Variants in ITGA4 observed in about 807,000 individuals in gnomAD.
ITGA4 encodes the protein integrin subunit alpha 4.
In ITGA4, 63 loss-of-function variants were observed where a neutral mutation model predicts 133.6. The observed-to-expected ratio is 0.47, with a 90% confidence interval of 0.38 to 0.58. The LOEUF is 0.58. ITGA4 is among the 20% of genes least tolerant of loss of function. The probability of loss-of-function intolerance (pLI) is 0.00; values close to 1 mark genes in which losing one functional copy is unlikely to be tolerated. For missense variants in ITGA4, 1,076 were observed against 1,252.7 expected (o/e 0.86, Z 2.13); for synonymous variants, 483 against 438.0 (o/e 1.10, Z -1.28).
rs1247825211 is a variant in ITGA4, at chr2:181,535,632, T to C, written c.*105T>C. On this transcript the variant is annotated 3_prime_UTR_variant, in exon 28 of 28. Coordinates refer to ENST00000397033, the MANE Select transcript of ITGA4 (RefSeq NM_000885.6). ...AAATGAATTTTGTTTGGACTTCTTT[T>C]ACTCATGATCTTGTGACATATTATG... The C allele has an allele frequency of 1.4e-6, 2 of 1,407,678 alleles. No homozygotes were observed. Among genetic ancestry groups the C allele is most frequent in the East Asian group, 2.4e-5 (1 of 42,420 alleles). The allele number at this position is 1,407,678 out of a possible 1,614,324, so 87.2% of individuals were successfully genotyped here. A position where few individuals can be genotyped will look rare whatever the true frequency, so the allele number is the denominator to read the frequency against.
Position 181,527,292 on chromosome 2 carries a change from A to G in ITGA4, c.2340-5A>G. 6.3e-7 allele frequency: 1 copy of G among 1,575,368 alleles called. No individual in the cohort carries two copies. The highest frequency in any genetic ancestry group is 8.7e-7 in the Non-Finnish European group (1 of 1,145,300). On this transcript the variant is annotated splice_region_variant and splice_polypyrimidine_tract_variant and intron_variant, in intron 21 of 27. Transcript: ENST00000397033. Reference sequence around the variant, plus strand: ...GTTAATTAAATTTGAATTTGTTTTTACCAGGTTTGTAAACCCAACTTCATT... The same window carrying G: ...GTTAATTAAATTTGAATTTGTTTTTGCCAGGTTTGTAAACCCAACTTCATT...
At chr2:181,501,510 G>A (rs560717975) in intron 15 of ITGA4, among the ~76,000 whole-genome samples, 1 of 152,302 alleles carries the variant, frequency 6.6e-6, no homozygotes, top group African/African-American at 2.4e-5. Context: ...GTTGTGAATA[G>A]AGTAGGAGAT....
Position 181,530,618 on chromosome 2 carries a change from G to A in ITGA4, c.2633G>A (p.Arg878Gln), listed in dbSNP as rs1143676. Residue 878 changes from arginine to glutamine, a missense_variant, in exon 24 of 28, where the codon CGG (arginine) becomes CAG (glutamine). By Grantham distance (43) the Arg-to-Gln change is conservative. Transcript: ENST00000397033. The part of the protein sequence containing the change: ...SAMQTLKGIV[R>Q]FLSKTDKRLL... ...ATGCAGACCTTGAAAGGCATAGTCCGGTTCTTGTCCAAGACTGATAAGAGG... is the reference window on the plus strand; with the variant it reads ...ATGCAGACCTTGAAAGGCATAGTCCAGTTCTTGTCCAAGACTGATAAGAGG... 1,126,417 of 1,611,264 alleles carry A rather than the reference G, an allele frequency of 0.7. 397,059 individuals carry two copies. The highest frequency in any genetic ancestry group is 0.89 in the South Asian group (80,538 of 90,990).
At chr2:181,480,050 T>A (rs1283120329) in intron 5 of ITGA4, 87 bp from the exon 6 acceptor site, 2 of 825,668 alleles carry the variant, frequency 2.4e-6, no homozygotes, top group Admixed American at 3.2e-5. Context: ...ATTATAAAAA[T>A]ATGTTCTCTT....
chr2:181,477,594 T>C (rs1472679465), intron 4 of ITGA4, among the ~76,000 whole-genome samples: 3 of 152,078 alleles, frequency 2.0e-5, no homozygotes, highest in Admixed American at 2.0e-4. Context: ...GATGAAAAGG[T>C]GCTTAACATC....
In ITGA4 at chr2:181,457,428, C is replaced by T. The variant is rs1453043378; in HGVS notation, c.-227C>T. On this transcript the variant is annotated 5_prime_UTR_variant, in exon 1 of 28. Coordinates refer to ENST00000397033, the MANE Select transcript of ITGA4 (RefSeq NM_000885.6). The stretch of plus-strand genomic sequence containing the variant: ...CGAAGCTCCCGGCTGGCGGCAGAAA[C>T]CGGGAGTGGGGCCGGGCGAGTGCGC... The T allele has an allele frequency of 4.1e-6, 2 of 492,628 alleles. No homozygotes were observed. Among genetic ancestry groups the T allele is most frequent in the Non-Finnish European group, 7.2e-6 (2 of 278,304 alleles). The allele number at this position is 492,628 out of a possible 1,614,324, so 30.5% of individuals were successfully genotyped here.
intron 10 of ITGA4, among the ~76,000 whole-genome samples, chr2:181,488,393 TG>T (rs1685967254): frequency 6.6e-6 from 1 of 152,206 alleles, no homozygotes; most frequent in Admixed American, 6.5e-5. Context: ...CCTTTATGTC[TG>T]GAAGGTTATT....
chr2:181,534,621 A>C (rs1687017133), intron 26 of ITGA4, among the ~76,000 whole-genome samples, 195 bp from the exon 27 acceptor site: 1 of 152,110 alleles, frequency 6.6e-6, no homozygotes, highest in African/African-American at 2.4e-5. Context: ...TCATGGATAC[A>C]GCCCATTACA....
At chr2:181,533,074 G>A (rs1005699290) in intron 25 of ITGA4, among the ~76,000 whole-genome samples, 22 of 152,062 alleles carry the variant, frequency 1.4e-4, no homozygotes, top group African/African-American at 5.1e-4. Flanking sequence ...TAAAAATAAT[G>A]AAATATATCT....
chr2:181,463,670 T>G (rs1258780364), intron 2 of ITGA4, among the ~76,000 whole-genome samples: 1 of 152,108 alleles, frequency 6.6e-6, no homozygotes, highest in African/African-American at 2.4e-5. Flanking sequence ...ATGATGAGTT[T>G]CGTTGGCTTG....
At chr2:181,491,181 T>A (rs1034746757) in intron 10 of ITGA4, among the ~76,000 whole-genome samples, 2 of 152,226 alleles carry the variant, frequency 1.3e-5, no homozygotes, top group African/African-American at 4.8e-5. Flanking sequence ...CTGAAAAGGC[T>A]CATCTGTATT....
At chr2:181,529,961 A>G (rs749033832) in intron 23 of ITGA4, among the ~76,000 whole-genome samples, 5 of 152,216 alleles carry the variant, frequency 3.3e-5, no homozygotes, top group Non-Finnish European at 1.5e-5. Flanking sequence ...GGTAACTTCT[A>G]TTAGTAGAAT....
chr2:181,473,316 C>T (rs1209986012), intron 2 of ITGA4, among the ~76,000 whole-genome samples: 1 of 152,188 alleles, frequency 6.6e-6, no homozygotes, highest in Non-Finnish European at 1.5e-5. Context: ...ACTGCACAGC[C>T]GTGGGATCTA....
chr2:181,457,735 G>A lies in ITGA4; in HGVS notation c.81G>A (p.Gly27=). ...RETVMLLLCL[G]VPTGRPYNVD... The stretch of plus-strand genomic sequence containing the variant: ...CGGTGATGCTGTTGCTGTGCCTGGG[G>A]GTCCCGACCGGCCGCCCCTACAACG... Residue 27 remains glycine, a synonymous_variant, in exon 1 of 28, where the codon GGG becomes GGA. Transcript: ENST00000397033. 6.2e-7 allele frequency: 1 copy of A among 1,612,980 alleles called. No homozygotes were observed. The highest frequency in any genetic ancestry group is 8.5e-7 in the Non-Finnish European group (1 of 1,179,818).
At chr2:181,511,942 A>C (rs569875464) in intron 17 of ITGA4, among the ~76,000 whole-genome samples, 167 bp downstream of exon 17, 1 of 152,242 alleles carries the variant, frequency 6.6e-6, no homozygotes, top group African/African-American at 2.4e-5. Context: ...AAAACTGGTT[A>C]TATCACTCAG....
rs1185344876 is a variant in ITGA4, at chr2:181,509,806, C to T, written c.1844C>T (p.Thr615Ile). Residue 615 changes from threonine (T) to isoleucine (I), a missense_variant and splice_region_variant, in exon 16 of 28, where the codon ACA becomes ATA. Coordinates refer to ENST00000397033, the MANE Select transcript of ITGA4 (RefSeq NM_000885.6). Reference protein sequence around the residue: ...QKKEKDIMKKTINFARFCAHE... With the variant: ...QKKEKDIMKKIINFARFCAHE... ...AAAGAAAAAGACATAATGAAAAAAA[C>T]AGTAGGAATATTTTCCTTTATTCAA... 26 of 1,597,544 alleles carry T rather than the reference C, an allele frequency of 1.6e-5. No individual in the cohort carries two copies. Among genetic ancestry groups the T allele is most frequent in the East Asian group, 6.7e-5 (3 of 44,502 alleles).
intron 21 of ITGA4, among the ~76,000 whole-genome samples, chr2:181,525,696 C>A (rs1686819200): frequency 6.6e-6 from 1 of 152,070 alleles, no homozygotes; most frequent in Admixed American, 6.5e-5. Flanking sequence ...TTCTGCAGAC[C>A]CGTATCTACA....
chr2:181,533,468 C>T, intron 25 of ITGA4, among the ~76,000 whole-genome samples: 1 of 152,120 alleles, frequency 6.6e-6, no homozygotes, highest in East Asian at 1.9e-4. Context: ...GCATTTTGAA[C>T]CAGATAATTT....
rs1574407461 is a variant in ITGA4, at chr2:181,516,578, G to T, written c.1922+4803G>T. On this transcript the variant is annotated intron_variant, in intron 17 of 27. Coordinates refer to ENST00000397033, the MANE Select transcript of ITGA4 (RefSeq NM_000885.6). The surrounding 1 kb of genome is among the most constrained non-coding windows in gnomAD (Gnocchi z 4.0). ...TCATTTGATGTATTCTGATTAACCA[G>T]ACGTGTGTTACCTGTTTATCCCTGA... 6.6e-6 allele frequency among the ~76,000 whole-genome samples: 1 copy of T among 152,038 alleles called. No individual in the cohort carries two copies.
Sources: gnomAD v4.1 joint callset for allele counts (sites outside exome capture counted in the v4.1 genomes callset) on GRCh38, gnomAD v4.1.1 for gene constraint, Gnocchi (gnomAD v3.1) non-coding constraint, MANE v1.5 for transcripts, NCBI Gene and HGNC (gene_info 2026-07-23, HGNC 2026-07-21) for gene names.